The following FAM184A variants were observed in gnomAD, a reference collection of about 807,000 sequenced individuals.
FAM184A encodes family with sequence similarity 184 member A.
Under a neutral mutation model 143.8 loss-of-function variants are expected in FAM184A, and 99 were observed. That is an observed-to-expected ratio of 0.69 (90% CI 0.58 to 0.81). The LOEUF is 0.81. Ranked by LOEUF, FAM184A falls within the 40% of genes least tolerant of loss-of-function variation. FAM184A has a pLI of 0.00. For missense variants in FAM184A, 1,217 were observed against 1,310.5 expected (o/e 0.93, Z 1.10); for synonymous variants, 427 against 446.4 (o/e 0.96, Z 0.55).
intron 1 of FAM184A, among the ~76,000 whole-genome samples, chr6:119,074,886 C>T (rs1787819357): frequency 6.6e-6 from 1 of 152,198 alleles, no homozygotes; most frequent in Non-Finnish European, 1.5e-5. Flanking sequence ...GTCTTGCTCC[C>T]TGCTGTATCT....
At chr6:118,996,148 T>C (rs1347803721) in intron 9 of FAM184A, among the ~76,000 whole-genome samples, 3 of 152,184 alleles carry the variant, frequency 2.0e-5, no homozygotes, top group Non-Finnish European at 4.4e-5. Flanking sequence ...TAATTCATAA[T>C]AAAATTATTT....
upstream of FAM184A, among the ~76,000 whole-genome samples, chr6:119,080,482 A>G (rs1207677027): frequency 6.6e-6 from 1 of 152,066 alleles, no homozygotes; most frequent in African/African-American, 2.4e-5. Flanking sequence ...CATGAATTTA[A>G]TATTTTTCCC....
intron 1 of FAM184A, among the ~76,000 whole-genome samples, chr6:119,030,715 A>G (rs1208127899): frequency 6.6e-6 from 1 of 151,974 alleles, no homozygotes; most frequent in African/African-American, 2.4e-5. Flanking sequence ...TAATTTTAAA[A>G]GGAACTTTAG....
At chr6:119,026,759 T>G (rs1785648611) in intron 1 of FAM184A, among the ~76,000 whole-genome samples, 1 of 151,868 alleles carries the variant, frequency 6.6e-6, no homozygotes, top group African/African-American at 2.4e-5. Flanking sequence ...ATACCAAGAG[T>G]CAGGTTGGAG....
chr6:119,101,919 G>A (rs1788647081), intron 1 of FAM184A, among the ~76,000 whole-genome samples: 1 of 152,118 alleles, frequency 6.6e-6, no homozygotes, highest in South Asian at 2.1e-4. Flanking sequence ...AGCTGGGCTT[G>A]GTGGCGTGTG....
At chr6:119,106,142 C>T (rs1183033665) in intron 1 of FAM184A, among the ~76,000 whole-genome samples, 1 of 152,158 alleles carries the variant, frequency 6.6e-6, no homozygotes, top group African/African-American at 2.4e-5. Flanking sequence ...CCTGTAATCC[C>T]AGCATTTTGG....
At chr6:119,107,035 A>G (rs1788805889) in intron 1 of FAM184A, among the ~76,000 whole-genome samples, 1 of 152,210 alleles carries the variant, frequency 6.6e-6, no homozygotes. Context: ...CACAGCTCTC[A>G]AGGGAATATC....
At chr6:119,093,202 G>C (rs12195258) in intron 1 of FAM184A, among the ~76,000 whole-genome samples, 11,980 of 152,204 alleles carry the variant, frequency 0.079, 631 homozygotes, top group East Asian at 0.24. Flanking sequence ...AGGGAGTACA[G>C]TAGGAAACAG....
intron 3 of FAM184A, among the ~76,000 whole-genome samples, chr6:119,022,399 C>G (rs1785479883): frequency 6.6e-6 from 1 of 151,834 alleles, no homozygotes; most frequent in Admixed American, 6.6e-5. Context: ...ATTTTACCTG[C>G]TATTGGTATT....
At chr6:118,964,891 C>T (rs949408175) in intron 15 of FAM184A, 120 bp from the exon 16 acceptor site, 1 of 586,750 alleles carries the variant, frequency 1.7e-6, no homozygotes, top group Non-Finnish European at 3.0e-6. Flanking sequence ...GATTTAGATA[C>T]TTTGTTTAAA....
At chr6:118,966,598 T>C (rs745924999) in intron 15 of FAM184A, among the ~76,000 whole-genome samples, 16 of 152,172 alleles carry the variant, frequency 1.1e-4, no homozygotes, top group Non-Finnish European at 1.8e-4. Context: ...ATTCAATATG[T>C]ATCAAAAAGA....
At chr6:119,017,880 G>A (rs1343605607) in intron 4 of FAM184A, among the ~76,000 whole-genome samples, 1 of 152,130 alleles carries the variant, frequency 6.6e-6, no homozygotes, top group African/African-American at 2.4e-5. Context: ...GTGAGATCTG[G>A]TTGTTTAAAG....
Position 118,960,200 on chromosome 6 carries a change from G to A in FAM184A, c.3342-16C>T. 1 of 1,606,014 alleles carries A rather than the reference G, an allele frequency of 6.2e-7. No homozygotes were observed. On this transcript the variant is annotated splice_polypyrimidine_tract_variant and intron_variant, in intron 17 of 17. Transcript: ENST00000338891. ...CTGAGCAGGACTGAATTCATAAAAAGAGAGACATGTAACCCAGCATTAAGT... is the reference window on the plus strand; with the variant it reads ...CTGAGCAGGACTGAATTCATAAAAAAAGAGACATGTAACCCAGCATTAAGT...
intron 1 of FAM184A, among the ~76,000 whole-genome samples, chr6:119,128,487 G>T (rs1482616887): frequency 6.6e-6 from 1 of 152,090 alleles, no homozygotes; most frequent in African/African-American, 2.4e-5. Flanking sequence ...CTCCTTCTAA[G>T]CAGGATGATT....
intron 1 of FAM184A, among the ~76,000 whole-genome samples, chr6:119,027,153 A>G (rs891148527): frequency 3.9e-5 from 6 of 152,146 alleles, no homozygotes; most frequent in African/African-American, 1.4e-4. Flanking sequence ...CCTATGACCT[A>G]AAACCTCCCT....
intron 14 of FAM184A, among the ~76,000 whole-genome samples, chr6:118,970,008 A>ATATTTT: frequency 6.8e-4 from 13 of 19,046 alleles, no homozygotes; most frequent in South Asian, 1.7e-3. Flanking sequence ...ATATATATAT[A>ATATTTT]TTTTTTTTTT....
rs543235810 is a variant in FAM184A, at chr6:119,046,065, CT to C, written c.160-21253del. On this transcript the variant is annotated intron_variant, in intron 1 of 17. Transcript: ENST00000338891. ...TAAGGAAAAACATTCCATCCTTTAT[CT>C]TATTACAACTGTTATCTTTTTTCCA... 5.3e-4 allele frequency among the ~76,000 whole-genome samples: 80 copies of C among 152,206 alleles called. 1 individual carries two copies. In the East Asian group the frequency reaches 9.3e-3, roughly 18 times the overall value.
intron 1 of FAM184A, among the ~76,000 whole-genome samples, chr6:119,143,413 G>T (rs1468279363): frequency 1.3e-5 from 2 of 152,162 alleles, no homozygotes; most frequent in Non-Finnish European, 2.9e-5. Context: ...AAAACAGTTG[G>T]CATGGAGGTG....
chr6:119,015,879 G>C (rs967670443), intron 5 of FAM184A, among the ~76,000 whole-genome samples: 1 of 152,220 alleles, frequency 6.6e-6, no homozygotes, highest in African/African-American at 2.4e-5. Context: ...CAAGGTTTGT[G>C]AGTGCACCAA....
Sources: allele counts gnomAD v4.1 joint callset (sites outside exome capture counted in the v4.1 genomes callset), GRCh38; gene constraint gnomAD v4.1.1; transcripts MANE v1.5; gene names NCBI Gene and HGNC (gene_info 2026-07-23, HGNC 2026-07-21).